The following SRFBP1 variants were observed in gnomAD, a reference collection of about 807,000 sequenced individuals.
The protein encoded by SRFBP1 is serum response factor-binding protein 1.
A neutral mutation model predicts 45.5 loss-of-function variants in SRFBP1; 47 were observed. The ratio of observed to expected loss-of-function variants is 1.03; its 90% CI spans 0.82 to 1.32. The LOEUF (loss-of-function observed/expected upper bound fraction) is 1.32, where lower values mean the gene tolerates loss of function less well. Among genes scored for constraint, SRFBP1 ranks in the 40% most tolerant of loss-of-function variants. The pLI is 0.00. For missense variants in SRFBP1, 621 were observed against 484.6 expected, an observed-to-expected ratio of 1.28 and a Z score of -2.64; for synonymous variants, 203 against 166.3, an observed-to-expected ratio of 1.22 and a Z score of -1.70.
intron 2 of SRFBP1, chr5:122,064,196 A>G (rs935534960): frequency 1.3e-5 from 2 of 151,922 alleles, no homozygotes; most frequent in Non-Finnish European, 2.9e-5. Context: ...TATTTTTTAA[A>G]ATGTATTTAG....
chr5:122,016,242 T>C (rs562734863), intron 4 of SRFBP1, among the ~76,000 whole-genome samples: 2 of 152,322 alleles, frequency 1.3e-5, no homozygotes, highest in African/African-American at 4.8e-5. Flanking sequence ...AAGTCTTCTG[T>C]TTCTTGTCTC....
intron 3 of SRFBP1, among the ~76,000 whole-genome samples, chr5:121,990,646 T>C (rs553975627): frequency 3.9e-5 from 6 of 152,316 alleles, no homozygotes; most frequent in African/African-American, 1.4e-4. Flanking sequence ...ACATGTGTCA[T>C]TGTGCTTGAG....
intron 4 of SRFBP1, among the ~76,000 whole-genome samples, chr5:122,007,389 G>T (rs1753000460): frequency 6.6e-6 from 1 of 151,080 alleles, no homozygotes; most frequent in Non-Finnish European, 1.5e-5. Context: ...GGGCTGGCTG[G>T]GTATCAAGGC....
rs539546273 is a variant in SRFBP1 at position 122,027,157 on chromosome 5, TAA to T, written c.*41_*42del. 2.0e-5 allele frequency: 25 copies of T among 1,274,636 alleles called. No individual in the cohort carries two copies. Among genetic ancestry groups the T allele is most frequent in the South Asian group, 3.0e-5 (2 of 66,558 alleles). 79.0% of individuals were successfully genotyped at this position (1,274,636 alleles called of 1,614,324 possible). A position where few individuals can be genotyped will look rare whatever the true frequency, so the allele number is the denominator to read the frequency against. On this transcript the variant is annotated 3_prime_UTR_variant, in exon 8 of 8. Transcript: ENST00000339397. The stretch of plus-strand genomic sequence containing the variant: ...GCCTCTTTCTGCAAACTTTTCCATC[TAA>T]AAAAAAAAATGTTTTTTTTAAGACA...
intron 7 of SRFBP1, 98 bp from the exon 8 acceptor site, chr5:122,026,844 A>G (rs1753491179): frequency 2.4e-6 from 2 of 850,954 alleles, no homozygotes; most frequent in African/African-American, 3.5e-5. Context: ...AGAAAACAAA[A>G]TTTCTTTTTT....
chr5:122,009,975 C>G (rs937365537), intron 4 of SRFBP1, among the ~76,000 whole-genome samples: 1 of 152,134 alleles, frequency 6.6e-6, no homozygotes, highest in African/African-American at 2.4e-5. Flanking sequence ...CTCCATCCTC[C>G]CCTTTAACCT....
Position 122,022,431 on chromosome 5 carries a change from C to G in SRFBP1, c.1105+24C>G, listed in dbSNP as rs757327493. On this transcript the variant is annotated intron_variant, in intron 7 of 7. Coordinates refer to ENST00000339397, the MANE Select transcript of SRFBP1 (RefSeq NM_152546.3). ...AGGTATGTATTCATAGTTGCCTGAC[C>G]TTCATATGCAATTAAGCTATGTTTT... The G allele has an allele frequency of 1.9e-6, 3 of 1,596,704 alleles. No homozygotes were observed. In the African/African-American group the frequency reaches 4.0e-5, roughly 22 times the overall value.
intron 2 of SRFBP1, among the ~76,000 whole-genome samples, chr5:122,062,741 A>G (rs2152582325): frequency 6.6e-6 from 1 of 152,104 alleles, no homozygotes; most frequent in South Asian, 2.1e-4. Flanking sequence ...ACACTTGCCC[A>G]AAGTTTGGGC....
chr5:122,024,159 CAG>C (rs1753420074), intron 7 of SRFBP1, among the ~76,000 whole-genome samples: 1 of 152,172 alleles, frequency 6.6e-6, no homozygotes, highest in South Asian at 2.1e-4. Context: ...CAAGGACAGC[CAG>C]TAATACGCTG....
At chr5:122,026,627 G>C (rs1169522092) in intron 7 of SRFBP1, among the ~76,000 whole-genome samples, 1 of 151,786 alleles carries the variant, frequency 6.6e-6, no homozygotes, top group East Asian at 1.9e-4. Context: ...CTTCTTTTTT[G>C]CCTTCCATGC....
chr5:121,969,531 T>G (rs1397869355), intron 1 of SRFBP1, among the ~76,000 whole-genome samples: 2 of 152,100 alleles, frequency 1.3e-5, no homozygotes, highest in Non-Finnish European at 2.9e-5. Context: ...AATAGCTATA[T>G]TAGACTTCCA....
chr5:122,056,577 A>G (rs1479754034), intron 2 of SRFBP1, among the ~76,000 whole-genome samples: 2 of 152,170 alleles, frequency 1.3e-5, no homozygotes, highest in African/African-American at 2.4e-5. Flanking sequence ...ACCTGGAGCT[A>G]TTTATTGCTT....
At chr5:121,962,814 A>G (rs1008011383) in intron 1 of SRFBP1, among the ~76,000 whole-genome samples, 2 of 152,236 alleles carry the variant, frequency 1.3e-5, no homozygotes, top group Non-Finnish European at 2.9e-5. Flanking sequence ...AGGATCGAGT[A>G]AGGACCTCAC....
chr5:122,020,760 C>T lies in SRFBP1; in HGVS notation c.1025C>T (p.Ser342Leu), dbSNP rs540535395. 1 of 1,597,686 alleles carries T rather than the reference C, an allele frequency of 6.3e-7. No individual in the cohort carries two copies. The highest frequency in any genetic ancestry group is 1.8e-5 in the Admixed American group (1 of 56,170). The change falls in exon 6 of 8, where the codon TCA (serine) becomes TTA (leucine). Residue 342 changes from serine (S) to leucine (L), a missense_variant. Coordinates refer to ENST00000339397, the MANE Select transcript of SRFBP1 (RefSeq NM_152546.3). ...AGTACAGAAACCAGAAAGTTAGAAT[C>T]AGTGTTTTTCCACTCTTTATCTGGA... is the stretch of plus-strand genomic sequence containing the variant. Reference protein sequence around the residue: ...KPSTETRKLESVFFHSLSGSK... With the variant: ...KPSTETRKLELVFFHSLSGSK...
rs995995811 is a variant in SRFBP1, at chr5:122,025,411, G to T, written c.1106-1531G>T. On this transcript the variant is annotated intron_variant, in intron 7 of 7. Transcript: ENST00000339397. The stretch of plus-strand genomic sequence containing the variant: ...AGTCTTTGCTATTGTGAATAGTGCC[G>T]CAATAAACATACGTGTGCATGTGTC... Among the ~76,000 whole-genome samples the T allele has an allele frequency of 2.0e-5, 3 of 152,168 alleles. No homozygotes were observed. The East Asian group carries it at 5.8e-4, about 29-fold the overall frequency.
intron 2 of SRFBP1, among the ~76,000 whole-genome samples, chr5:122,046,481 A>G (rs1182338100): frequency 2.0e-5 from 3 of 152,178 alleles, no homozygotes; most frequent in African/African-American, 4.8e-5. Context: ...AGTCTTTGCT[A>G]TTGTGAACAG....
chr5:122,041,750 T>C (rs145502295), intron 2 of SRFBP1, among the ~76,000 whole-genome samples: 3 of 152,284 alleles, frequency 2.0e-5, no homozygotes, highest in South Asian at 2.1e-4. Context: ...AATTATATCA[T>C]CTAAAGATAT....
At chr5:122,055,647 G>T (rs1251598911) in intron 2 of SRFBP1, among the ~76,000 whole-genome samples, 2 of 152,084 alleles carry the variant, frequency 1.3e-5, no homozygotes, top group Non-Finnish European at 2.9e-5. Flanking sequence ...AGTAAAATCT[G>T]TTTTTATTTC....
In SRFBP1 at chr5:121,976,753, A is replaced by T. The variant is rs910043686; in HGVS notation, c.198+1366A>T. The stretch of plus-strand genomic sequence containing the variant: ...TGTGTATGCATGTATATATATATAT[A>T]ATATATATATGTGCATACACATACA... On this transcript the variant is annotated intron_variant, in intron 3 of 7. Coordinates refer to ENST00000339397, the MANE Select transcript of SRFBP1 (RefSeq NM_152546.3). Among the ~76,000 whole-genome samples, 176 of 150,338 alleles carry T rather than the reference A, an allele frequency of 1.2e-3. 1 individual carries two copies. Among genetic ancestry groups the T allele is most frequent in the African/African-American group, 4.1e-3 (169 of 41,162 alleles).
Sources: allele counts gnomAD v4.1 joint callset (sites outside exome capture counted in the v4.1 genomes callset), GRCh38; gene constraint gnomAD v4.1.1; transcripts MANE v1.5; gene names NCBI Gene and HGNC (gene_info 2026-07-23, HGNC 2026-07-21).